The following MFSD6 variants were observed in gnomAD, a reference collection of about 807,000 sequenced individuals.
MFSD6 encodes the protein major facilitator superfamily domain-containing protein 6.
A neutral mutation model predicts 56.3 loss-of-function variants in MFSD6; 26 were observed. The ratio of observed to expected loss-of-function variants is 0.46; its 90% CI spans 0.34 to 0.64. The LOEUF (loss-of-function observed/expected upper bound fraction) is 0.64. Among genes scored for constraint, MFSD6 ranks in the 30% least tolerant of loss-of-function variants. The pLI is 0.01. For synonymous variants in MFSD6, 331 were observed against 366.9 expected (o/e 0.90, Z 1.12); for missense variants, 750 against 986.2 (o/e 0.76, Z 3.21).
rs534354413 is a variant in MFSD6 at position 190,465,279 on chromosome 2, G to T, written c.1533-4479G>T. On this transcript the variant is annotated intron_variant, in intron 3 of 7. Transcript: ENST00000392328. This position sits in a 1 kb window ranked among gnomAD's most constrained non-coding sequence, Gnocchi z 4.6. Reference sequence around the variant, plus strand: ...GTGTTCCTCTTTATAGATAACTTCAGTTTACCAACCACCTGTTCTAAAATT... The same window carrying T: ...GTGTTCCTCTTTATAGATAACTTCATTTTACCAACCACCTGTTCTAAAATT... Among the ~76,000 whole-genome samples, 4 of 152,260 alleles carry T rather than the reference G, an allele frequency of 2.6e-5. No homozygotes were observed. In the South Asian group the frequency reaches 8.3e-4, roughly 32 times the overall value.
rs994074575 is a variant in MFSD6, at chr2:190,463,192, T to A, written c.1533-6566T>A. ...ATAGCTGGGAGGAGGGGGACAGTTA[T>A]GAGAAAACAAATTTTCTAGACTAAG... On this transcript the variant is annotated intron_variant, in intron 3 of 7. Coordinates refer to ENST00000392328, the MANE Select transcript of MFSD6 (RefSeq NM_017694.4). This position sits in a 1 kb window ranked among gnomAD's most constrained non-coding sequence, Gnocchi z 4.4. Among the ~76,000 whole-genome samples the A allele has an allele frequency of 6.6e-6, 1 of 152,220 alleles. No homozygotes were observed. The highest frequency in any genetic ancestry group is 1.5e-5 in the Non-Finnish European group (1 of 68,030).
chr2:190,493,807 T>C (rs1310537094), intron 6 of MFSD6, among the ~76,000 whole-genome samples: 3 of 152,016 alleles, frequency 2.0e-5, no homozygotes, highest in Non-Finnish European at 4.4e-5. Context: ...AAATTTAAAA[T>C]TGAACTGAAC....
In MFSD6 at chr2:190,439,668, G is replaced by A. The variant is rs775629466; in HGVS notation, c.1532+2107G>A. 5.3e-5 allele frequency among the ~76,000 whole-genome samples: 8 copies of A among 152,018 alleles called. No homozygotes were observed. The highest frequency in any genetic ancestry group is 1.3e-4 in the Admixed American group (2 of 15,268). ...TTAACCTTAATTTTCTGGTTTTTAC[G>A]GACAAAAAGCATCTTCCATTTCTTG... On this transcript the variant is annotated intron_variant, in intron 3 of 7. Coordinates refer to ENST00000392328, the MANE Select transcript of MFSD6 (RefSeq NM_017694.4). The surrounding 1 kb of genome is among the most constrained non-coding windows in gnomAD (Gnocchi z 5.8).
chr2:190,484,364 T>C (rs145595324), intron 4 of MFSD6, among the ~76,000 whole-genome samples: 1 of 152,352 alleles, frequency 6.6e-6, no homozygotes, highest in Non-Finnish European at 1.5e-5. Context: ...ACATAAAGAA[T>C]AATCATCTAC....
At chr2:190,440,024 C>A (rs1162510482) in intron 3 of MFSD6, among the ~76,000 whole-genome samples, 2 of 152,104 alleles carry the variant, frequency 1.3e-5, no homozygotes. Flanking sequence ...GAATTATGAG[C>A]CTTGATGTGT....
intron 3 of MFSD6, among the ~76,000 whole-genome samples, chr2:190,468,478 G>C (rs1189954095): frequency 6.7e-6 from 1 of 150,128 alleles, no homozygotes; most frequent in Non-Finnish European, 1.5e-5. Context: ...TTTGAGACAG[G>C]GTCTTGCTCT....
In MFSD6 at chr2:190,430,788, G is replaced by C. The variant is rs569465054; in HGVS notation, c.-53-5189G>C. On this transcript the variant is annotated intron_variant, in intron 2 of 7. Coordinates refer to ENST00000392328, the MANE Select transcript of MFSD6 (RefSeq NM_017694.4). ...CACTTCCCAGAAGGGGCGGCCGGGC[G>C]GGCAGAGGCGCCCCCCCCACCTCCC... Among the ~76,000 whole-genome samples, 5 of 151,380 alleles carry C rather than the reference G, an allele frequency of 3.3e-5. No homozygotes were observed. In the South Asian group the frequency reaches 8.4e-4, roughly 25 times the overall value.
At position 190,425,692 on chromosome 2, in the gene MFSD6, A is replaced by T. The variant is rs1286996801; in HGVS notation, c.-54+10279A>T. The stretch of plus-strand genomic sequence containing the variant: ...ATTGCATCAGCCTTGTATTTTTGGA[A>T]TCAACCACACTTTGTCATGTTGTAT... On this transcript the variant is annotated intron_variant, in intron 2 of 7. Transcript: ENST00000392328. The surrounding 1 kb of genome is among the most constrained non-coding windows in gnomAD (Gnocchi z 4.3). 6.6e-6 allele frequency among the ~76,000 whole-genome samples: 1 copy of T among 152,162 alleles called. No individual in the cohort carries two copies. Among genetic ancestry groups the T allele is most frequent in the Non-Finnish European group, 1.5e-5 (1 of 68,032 alleles).
In MFSD6 at chr2:190,471,434, G is replaced by C. The variant is rs557272583; in HGVS notation, c.1630+1579G>C. On this transcript the variant is annotated intron_variant, in intron 4 of 7. Coordinates refer to ENST00000392328, the MANE Select transcript of MFSD6 (RefSeq NM_017694.4). This position sits in a 1 kb window ranked among gnomAD's most constrained non-coding sequence, Gnocchi z 4.7. ...AACAGTCTTAGCAAACGGCACACTA[G>C]GAGATTATATCCCGCACCTGGCTTG... is the stretch of plus-strand genomic sequence containing the variant. Among the ~76,000 whole-genome samples the C allele has an allele frequency of 6.6e-6, 1 of 152,340 alleles. No individual in the cohort carries two copies. Among genetic ancestry groups the C allele is most frequent in the South Asian group, 2.1e-4 (1 of 4,828 alleles).
At position 190,497,320 on chromosome 2, in the gene MFSD6, A is replaced by C. The variant is rs1030027899; in HGVS notation, c.1892-119A>C. 4.5e-6 allele frequency: 5 copies of C among 1,114,592 alleles called. No individual in the cohort carries two copies. In the African/African-American group the frequency reaches 7.9e-5, roughly 18 times the overall value. 69.0% of individuals were successfully genotyped at this position (1,114,592 alleles called of 1,614,324 possible). A position where few individuals can be genotyped will look rare whatever the true frequency, so the allele number is the denominator to read the frequency against. ...GTCATTGGTAACCAGCAATTTATTAATATTATCAAGCACTCTGGAATGGGT... is the reference window on the plus strand; with the variant it reads ...GTCATTGGTAACCAGCAATTTATTACTATTATCAAGCACTCTGGAATGGGT... On this transcript the variant is annotated intron_variant, in intron 6 of 7. Transcript: ENST00000392328. This position sits in a 1 kb window ranked among gnomAD's most constrained non-coding sequence, Gnocchi z 5.2.
chr2:190,471,075 T>A lies in MFSD6; in HGVS notation c.1630+1220T>A, dbSNP rs1165831697. Among the ~76,000 whole-genome samples the A allele has an allele frequency of 6.6e-6, 1 of 152,170 alleles. No homozygotes were observed. Among genetic ancestry groups the A allele is most frequent in the Non-Finnish European group, 1.5e-5 (1 of 68,022 alleles). ...GAAGGGTCTTGAGGGGAGGCACACATCTCAGTTTTGTGTCATTTAAGAATA... is the reference window on the plus strand; with the variant it reads ...GAAGGGTCTTGAGGGGAGGCACACAACTCAGTTTTGTGTCATTTAAGAATA... On this transcript the variant is annotated intron_variant, in intron 4 of 7. Coordinates refer to ENST00000392328, the MANE Select transcript of MFSD6 (RefSeq NM_017694.4). This position sits in a 1 kb window ranked among gnomAD's most constrained non-coding sequence, Gnocchi z 4.7.
rs1687423700 is a variant in MFSD6 at position 190,463,275 on chromosome 2, T to C, written c.1533-6483T>C. ...TTAGTTATTTTCTAAAGAGTTTGGATATATATTTTCTTACTCTCTTAAACT... is the reference window on the plus strand; with the variant it reads ...TTAGTTATTTTCTAAAGAGTTTGGACATATATTTTCTTACTCTCTTAAACT... On this transcript the variant is annotated intron_variant, in intron 3 of 7. Transcript: ENST00000392328. This position sits in a 1 kb window ranked among gnomAD's most constrained non-coding sequence, Gnocchi z 4.4. 6.6e-6 allele frequency among the ~76,000 whole-genome samples: 1 copy of C among 152,218 alleles called. No individual in the cohort carries two copies. The highest frequency in any genetic ancestry group is 1.5e-5 in the Non-Finnish European group (1 of 68,034).
intron 2 of MFSD6, among the ~76,000 whole-genome samples, chr2:190,430,725 C>T (rs1575830845): frequency 2.2e-5 from 1 of 46,246 alleles, no homozygotes; most frequent in East Asian, 1.2e-3. Context: ...GTTGGGTACA[C>T]TTCCCAGACG....
Position 190,499,876 on chromosome 2 carries a change from T to C in MFSD6, c.2173-139T>C, listed in dbSNP as rs1689934140. The C allele has an allele frequency of 1.9e-6, 3 of 1,554,314 alleles. No homozygotes were observed. The highest frequency in any genetic ancestry group is 1.4e-5 in the African/African-American group (1 of 73,276). On this transcript the variant is annotated intron_variant, in intron 7 of 7. Coordinates refer to ENST00000392328, the MANE Select transcript of MFSD6 (RefSeq NM_017694.4). The surrounding 1 kb of genome is among the most constrained non-coding windows in gnomAD (Gnocchi z 6.0). ...TGAAAGGTAAGACATTCTATCCTTA[T>C]TCCTCTATTACTTGGTCCCTGAAAT...
At chr2:190,475,348 A>G (rs1688235151) in intron 4 of MFSD6, among the ~76,000 whole-genome samples, 1 of 152,244 alleles carries the variant, frequency 6.6e-6, no homozygotes, top group Non-Finnish European at 1.5e-5. Context: ...CCTTAAGCTG[A>G]TAGGCAACTT....
chr2:190,411,296 AT>A, intron 1 of MFSD6: 2 of 411,520 alleles, frequency 4.9e-6, no homozygotes, highest in Non-Finnish European at 6.5e-6. Context: ...AGTAGCTGGG[AT>A]TACAGGCACA....
At position 190,502,069 on chromosome 2, in the gene MFSD6, C is replaced by T. The variant is rs1285029180; in HGVS notation, c.*1851C>T. ...GACATGTTGAAATAAAAATGAATAC[C>T]ATTTTTAAATGTTTCTTAAATGATA... is the stretch of plus-strand genomic sequence containing the variant. On this transcript the variant is annotated 3_prime_UTR_variant, in exon 8 of 8. Transcript: ENST00000392328. This position sits in a 1 kb window ranked among gnomAD's most constrained non-coding sequence, Gnocchi z 4.4. 1 of 152,532 alleles carries T rather than the reference C, an allele frequency of 6.6e-6. No homozygotes were observed. The highest frequency in any genetic ancestry group is 6.6e-5 in the Admixed American group (1 of 15,266). 9.4% of individuals were successfully genotyped at this position (152,532 alleles called of 1,614,324 possible).
chr2:190,470,713 A>G (rs1349814200), intron 4 of MFSD6, among the ~76,000 whole-genome samples: 2 of 152,340 alleles, frequency 1.3e-5, no homozygotes, highest in South Asian at 2.1e-4. Flanking sequence ...GGTGTAATCA[A>G]TGTGATTAAT....
intron 6 of MFSD6, among the ~76,000 whole-genome samples, chr2:190,493,475 C>G (rs1689481681): frequency 6.6e-6 from 1 of 152,232 alleles, no homozygotes; most frequent in East Asian, 1.9e-4. Context: ...GACAGGACAT[C>G]AAGACAAAGT....
Sources: gnomAD v4.1 joint callset for allele counts (sites outside exome capture counted in the v4.1 genomes callset) on GRCh38, gnomAD v4.1.1 for gene constraint, Gnocchi (gnomAD v3.1) non-coding constraint, MANE v1.5 for transcripts, NCBI Gene and HGNC (gene_info 2026-07-23, HGNC 2026-07-21) for gene names.